Variants in MAPDA observed in about 807,000 individuals in gnomAD.
MAPDA encodes the protein N6,N6-dimethyl-AMP deaminase.
chr15:43,351,003 G>C, the MAPDA span: 1 of 1,551,510 alleles, frequency 6.4e-7, no homozygotes, highest in South Asian at 1.2e-5. Context: ...GCACCATTTC[G>C]GATTCTGGTA....
At chr15:43,349,082 C>T in the MAPDA span, 1 of 1,613,770 alleles carries the variant, frequency 6.2e-7, no homozygotes, top group South Asian at 1.1e-5. Context: ...AGATGACTCT[C>T]TGTCTCTCCC....
chr15:43,342,947 A>G, the MAPDA span: 4 of 1,363,016 alleles, frequency 2.9e-6, no homozygotes, highest in Middle Eastern at 2.1e-4. Flanking sequence ...TGAGGGATGA[A>G]ATAGTTGATG....
chr15:43,340,073 T>C, the MAPDA span, among the ~76,000 whole-genome samples: 3 of 152,286 alleles, frequency 2.0e-5, no homozygotes, highest in East Asian at 3.9e-4. Flanking sequence ...ATGGGAGTGA[T>C]TGGAAATATT....
At chr15:43,330,748 C>T in the MAPDA span, 51 of 409,060 alleles carry the variant, frequency 1.2e-4, no homozygotes, top group Admixed American at 2.0e-4. Flanking sequence ...GAATACGGTC[C>T]GCTACCGCTG....
chr15:43,345,869 T>G, the MAPDA span: 1 of 1,614,204 alleles, frequency 6.2e-7, no homozygotes, highest in African/African-American at 1.3e-5. Context: ...TGATAGCAGT[T>G]GACAGAAGAG....
chr15:43,342,289 G>A, the MAPDA span, among the ~76,000 whole-genome samples: 1 of 152,064 alleles, frequency 6.6e-6, no homozygotes, highest in South Asian at 2.1e-4. Context: ...GCTCTGGAGA[G>A]TGCTCTTGCA....
At chr15:43,352,056 G>C in the MAPDA span, 4 of 1,128,610 alleles carry the variant, frequency 3.5e-6, no homozygotes, top group South Asian at 7.0e-5. Flanking sequence ...CAAGTTCCTT[G>C]GGCTCTATCA....
the MAPDA span, chr15:43,351,507 T>A: frequency 2.0e-6 from 1 of 492,924 alleles, no homozygotes; most frequent in Non-Finnish European, 3.6e-6. Context: ...TGGGCAGAGA[T>A]AGGCTTTAAA....
the MAPDA span, chr15:43,331,857 A>T: frequency 1.3e-5 from 2 of 152,268 alleles, no homozygotes; most frequent in African/African-American, 4.8e-5. Flanking sequence ...GGCAGTGGCT[A>T]AAGAATATTG....
chr15:43,336,389 C>T, the MAPDA span, among the ~76,000 whole-genome samples: 1 of 152,162 alleles, frequency 6.6e-6, no homozygotes, highest in East Asian at 1.9e-4. Context: ...TTGAATTTCC[C>T]CATGTCAGGT....
At chr15:43,344,472 C>G in the MAPDA span, among the ~76,000 whole-genome samples, 1 of 152,038 alleles carries the variant, frequency 6.6e-6, no homozygotes, top group Non-Finnish European at 1.5e-5. Context: ...ATAGTAAACT[C>G]ATAACTGCTT....
At chr15:43,333,058 C>T in the MAPDA span, among the ~76,000 whole-genome samples, 6 of 152,150 alleles carry the variant, frequency 3.9e-5, no homozygotes, top group Non-Finnish European at 7.4e-5. Context: ...AATTTACTCA[C>T]AGCTAGTTAA....
chr15:43,334,559 T>C, the MAPDA span, among the ~76,000 whole-genome samples: 12 of 144,218 alleles, frequency 8.3e-5, no homozygotes, highest in Non-Finnish European at 9.1e-5. Flanking sequence ...ACCCAGGAGA[T>C]AGAGGCTGCA....
At chr15:43,349,977 C>T in the MAPDA span, among the ~76,000 whole-genome samples, 1 of 152,126 alleles carries the variant, frequency 6.6e-6, no homozygotes. Context: ...CTCAAGTGAG[C>T]AGATACCATC....
At chr15:43,343,526 CTTCT>C in the MAPDA span, among the ~76,000 whole-genome samples, 1 of 152,178 alleles carries the variant, frequency 6.6e-6, no homozygotes, top group Non-Finnish European at 1.5e-5. Context: ...TGGCTGGCTT[CTTCT>C]CATTATTCAG....
chr15:43,350,703 A>G, the MAPDA span, among the ~76,000 whole-genome samples: 56 of 152,282 alleles, frequency 3.7e-4, no homozygotes, highest in Non-Finnish European at 5.6e-4. Context: ...ATGGCTGTAA[A>G]AGGGATATTA....
At chr15:43,347,133 G>A in the MAPDA span, 1 of 1,542,276 alleles carries the variant, frequency 6.5e-7, no homozygotes, top group Non-Finnish European at 8.9e-7. Flanking sequence ...GGGACAGATT[G>A]TAATAGAAAA....
At chr15:43,337,981 C>T in the MAPDA span, among the ~76,000 whole-genome samples, 280 of 152,286 alleles carry the variant, frequency 1.8e-3, 1 homozygote, top group Non-Finnish European at 2.4e-3. Flanking sequence ...CTCTAAGCAG[C>T]GTCTCAAAAG....
chr15:43,347,146 A>G, the MAPDA span: 1 of 1,457,496 alleles, frequency 6.9e-7, no homozygotes, highest in Non-Finnish European at 9.5e-7. Context: ...ATAGAAAATA[A>G]TAGGGTCATT....
Sources: allele counts gnomAD v4.1 joint callset (sites outside exome capture counted in the v4.1 genomes callset), GRCh38; gene constraint gnomAD v4.1.1; transcripts MANE v1.5; gene names NCBI Gene and HGNC (gene_info 2026-07-23, HGNC 2026-07-21).